Variants in OXR1 observed in about 807,000 individuals in gnomAD.
OXR1 encodes the protein oxidation resistance 1.
OXR1 carries 41 observed loss-of-function variants against 104.6 expected under a neutral mutation model. The observed-to-expected ratio is 0.39, with a 90% confidence interval of 0.31 to 0.51. The LOEUF is 0.51. Ranked by LOEUF, OXR1 falls within the 20% of genes least tolerant of loss-of-function variation. OXR1 has a pLI of 0.77. For missense variants in OXR1, 955 were observed against 1,031.9 expected (o/e 0.93, Z 1.02); for synonymous variants, 348 against 348.4 (o/e 1.00, Z 0.01).
At chr8:106,339,325 C>A (rs13262543) in intron 1 of OXR1, among the ~76,000 whole-genome samples, 3 of 150,542 alleles carry the variant, frequency 2.0e-5, no homozygotes, top group African/African-American at 4.9e-5. Flanking sequence ...GAAACCCTGT[C>A]TCTACTAAAA....
At chr8:106,494,187 C>T (rs2444319) in intron 2 of OXR1, among the ~76,000 whole-genome samples, 16,793 of 152,166 alleles carry the variant, frequency 0.11, 1,170 homozygotes, top group African/African-American at 0.19. Context: ...CACCTTTCAC[C>T]CCTACCTGCC....
intron 3 of OXR1, among the ~76,000 whole-genome samples, chr8:106,520,204 TC>T (rs1292835947): frequency 1.3e-5 from 2 of 151,982 alleles, no homozygotes; most frequent in African/African-American, 4.8e-5. Context: ...ATGATTGAAA[TC>T]TTTTTCTTTG....
In OXR1 at chr8:106,335,521, A is replaced by T. The variant is rs562324615; in HGVS notation, c.-138-23955A>T. Among the ~76,000 whole-genome samples, 3 of 152,236 alleles carry T rather than the reference A, an allele frequency of 2.0e-5. No homozygotes were observed. The East Asian group carries it at 5.8e-4, about 29-fold the overall frequency. The stretch of plus-strand genomic sequence containing the variant: ...CTGAGTTTTACTCAGACATTTCTCC[A>T]TGGAAGGACATGGCATCTTGAATCT... On this transcript the variant is annotated intron_variant, in intron 1 of 16. Coordinates refer to ENST00000517566, the MANE Select transcript of OXR1 (RefSeq NM_001198533.2).
At chr8:106,690,901 T>G (rs1485268210) in intron 6 of OXR1, among the ~76,000 whole-genome samples, 2 of 151,964 alleles carry the variant, frequency 1.3e-5, no homozygotes, top group African/African-American at 4.8e-5. Context: ...CTCCTCAATC[T>G]TCCTTTGCCC....
chr8:106,332,897 C>G (rs948211438), intron 1 of OXR1, among the ~76,000 whole-genome samples: 2 of 152,118 alleles, frequency 1.3e-5, no homozygotes, highest in Admixed American at 1.3e-4. Flanking sequence ...ATCATACAAT[C>G]TGTGCCCTTT....
intron 3 of OXR1, among the ~76,000 whole-genome samples, chr8:106,644,992 G>A (rs1377112335): frequency 1.3e-5 from 2 of 152,124 alleles, no homozygotes; most frequent in Admixed American, 6.5e-5. Flanking sequence ...TTTTTAAAGC[G>A]GAGAAAAGGC....
chr8:106,547,408 T>C (rs1204182159), intron 3 of OXR1, among the ~76,000 whole-genome samples: 1 of 152,184 alleles, frequency 6.6e-6, no homozygotes, highest in Non-Finnish European at 1.5e-5. Context: ...CATTTGTTCA[T>C]TTGTAACTGG....
chr8:106,730,513 T>C (rs1390631225), intron 11 of OXR1, among the ~76,000 whole-genome samples: 1 of 152,216 alleles, frequency 6.6e-6, no homozygotes, highest in African/African-American at 2.4e-5. Flanking sequence ...CTTCTTTCAC[T>C]TAGCAATTTT....
At chr8:106,275,972 GA>G (rs1812020515) in intron 1 of OXR1, among the ~76,000 whole-genome samples, 1 of 151,898 alleles carries the variant, frequency 6.6e-6, no homozygotes, top group Non-Finnish European at 1.5e-5. Context: ...TTCATCTTAA[GA>G]AAAAAAATAG....
At chr8:106,691,965 G>A (rs1829332614) in intron 6 of OXR1, among the ~76,000 whole-genome samples, 1 of 126,594 alleles carries the variant, frequency 7.9e-6, no homozygotes, top group African/African-American at 3.7e-5. Flanking sequence ...GCGTATATAT[G>A]TGTGTGTGTG....
chr8:106,273,289 G>T (rs972203379), intron 1 of OXR1, among the ~76,000 whole-genome samples: 1 of 152,114 alleles, frequency 6.6e-6, no homozygotes, highest in African/African-American at 2.4e-5. Flanking sequence ...GTGGTGAAAT[G>T]GCTTGAGGAG....
At chr8:106,582,029 A>C (rs1818264735) in intron 3 of OXR1, among the ~76,000 whole-genome samples, 1 of 148,916 alleles carries the variant, frequency 6.7e-6, no homozygotes, top group Non-Finnish European at 1.5e-5. Context: ...GTCTCAAAAA[A>C]AAAAAAAAAA....
intron 3 of OXR1, among the ~76,000 whole-genome samples, chr8:106,626,458 C>T (rs921661427): frequency 3.3e-5 from 5 of 151,416 alleles, no homozygotes; most frequent in African/African-American, 1.2e-4. Flanking sequence ...CCTTTTCATT[C>T]AGTCCTTTTC....
At chr8:106,513,573 A>G (rs928744217) in intron 2 of OXR1, among the ~76,000 whole-genome samples, 2 of 152,144 alleles carry the variant, frequency 1.3e-5, no homozygotes, top group African/African-American at 4.8e-5. Context: ...CTCAAAACCC[A>G]CACTCCAGAA....
intron 15 of OXR1, among the ~76,000 whole-genome samples, chr8:106,742,798 C>T (rs1363720086): frequency 6.6e-6 from 1 of 152,084 alleles, no homozygotes; most frequent in Non-Finnish European, 1.5e-5. Flanking sequence ...AACATTAACT[C>T]AAGATGGGAT....
chr8:106,467,736 T>G (rs1821250952), intron 2 of OXR1, among the ~76,000 whole-genome samples: 1 of 151,902 alleles, frequency 6.6e-6, no homozygotes, highest in Non-Finnish European at 1.5e-5. Context: ...TAATGAGATG[T>G]GTAGGAGCAC....
intron 2 of OXR1, among the ~76,000 whole-genome samples, chr8:106,434,919 C>T (rs1484430059): frequency 2.6e-5 from 4 of 152,008 alleles, no homozygotes; most frequent in Admixed American, 1.3e-4. Context: ...ATAATAAACG[C>T]GTTTCAATGA....
In OXR1 at chr8:106,442,101, T is replaced by G. The variant is rs561351735; in HGVS notation, c.24-76842T>G. Among the ~76,000 whole-genome samples, 102 of 152,322 alleles carry G rather than the reference T, an allele frequency of 6.7e-4. 1 individual carries two copies. The highest frequency in any genetic ancestry group is 2.4e-3 in the African/African-American group (100 of 41,580). ...GAGATATGTGCCATAAATACCTAGT[T>G]TCTTGAGAGTTTTTACCATGAAGTG... On this transcript the variant is annotated intron_variant, in intron 2 of 16. Transcript: ENST00000517566.
intron 2 of OXR1, among the ~76,000 whole-genome samples, chr8:106,465,169 C>T (rs1024705331): frequency 2.0e-5 from 3 of 151,604 alleles, no homozygotes; most frequent in African/African-American, 7.3e-5. Context: ...GATTTGGGAT[C>T]GATACTGGAA....
Sources: gnomAD v4.1 joint callset for allele counts (sites outside exome capture counted in the v4.1 genomes callset) on GRCh38, gnomAD v4.1.1 for gene constraint, MANE v1.5 for transcripts, NCBI Gene and HGNC (gene_info 2026-07-23, HGNC 2026-07-21) for gene names.